Variants in OVOL2 observed in about 807,000 individuals in gnomAD.
OVOL2 encodes ovo like zinc finger 2, also known as transcription factor Ovo-like 2.
In OVOL2, 13 loss-of-function variants were observed where a neutral mutation model predicts 18.1. That is an observed-to-expected ratio of 0.72 (90% CI 0.47 to 1.14). The LOEUF (loss-of-function observed/expected upper bound fraction) is 1.14, where lower values mean the gene tolerates loss of function less well. OVOL2 is among the 50% of genes most tolerant of loss of function. The pLI is 0.00. For synonymous variants in OVOL2, 166 were observed against 162.7 expected (o/e 1.02, Z -0.16); for missense variants, 335 against 383.0 (o/e 0.87, Z 1.05).
At chr20:18,028,591 G>A (rs2036540496) in intron 3 of OVOL2, among the ~76,000 whole-genome samples, 3 of 151,364 alleles carry the variant, frequency 2.0e-5, no homozygotes, top group Admixed American at 6.6e-5. Context: ...TCGGGAGTTC[G>A]AGACCTGCCT....
chr20:18,053,223 T>G (rs904412412), intron 2 of OVOL2, among the ~76,000 whole-genome samples: 1 of 152,218 alleles, frequency 6.6e-6, no homozygotes, highest in Non-Finnish European at 1.5e-5. Flanking sequence ...ACTTGCTGTA[T>G]GTCACTGTCA....
intron 3 of OVOL2, among the ~76,000 whole-genome samples, chr20:18,028,471 C>T (rs2122688749): frequency 6.6e-6 from 1 of 152,060 alleles, no homozygotes; most frequent in East Asian, 1.9e-4. Context: ...ACCACCGTGC[C>T]TGGCCCTAAT....
chr20:18,039,607 C>CAAAAAAAAAAAAAAAAAAAA (rs111619803), intron 3 of OVOL2, among the ~76,000 whole-genome samples: 6 of 87,038 alleles, frequency 6.9e-5, no homozygotes, highest in African/African-American at 2.4e-4. Context: ...GACGCTGTCT[C>CAAAAAAAAAAAAAAAAAAAA]AAAAAAAAAA....
At chr20:18,038,254 C>A (rs766532279) in intron 3 of OVOL2, among the ~76,000 whole-genome samples, 8 of 152,188 alleles carry the variant, frequency 5.3e-5, no homozygotes, top group Admixed American at 1.3e-4. Context: ...GAAGCCTCTG[C>A]CAACTGTTGC....
intron 2 of OVOL2, among the ~76,000 whole-genome samples, chr20:18,044,362 G>T (rs371736302): frequency 6.6e-6 from 1 of 152,090 alleles, no homozygotes; most frequent in African/African-American, 2.4e-5. Flanking sequence ...GCAAGCATTC[G>T]GTCCCATTCC....
intron 3 of OVOL2, among the ~76,000 whole-genome samples, chr20:18,039,254 A>G (rs1418704356): frequency 6.6e-6 from 1 of 152,126 alleles, no homozygotes; most frequent in Non-Finnish European, 1.5e-5. Context: ...AACTTCCTAA[A>G]TTTGCTGAGG....
chr20:18,049,448 AC>A (rs772451023), intron 2 of OVOL2, among the ~76,000 whole-genome samples: 1 of 152,190 alleles, frequency 6.6e-6, no homozygotes, highest in Non-Finnish European at 1.5e-5. Context: ...GTCCAAGGCT[AC>A]CTTCTGGTGG....
At chr20:18,025,306 G>A (rs543526035) in intron 3 of OVOL2, among the ~76,000 whole-genome samples, 4 of 152,276 alleles carry the variant, frequency 2.6e-5, no homozygotes, top group South Asian at 2.1e-4. Context: ...AGTGGCTCAC[G>A]CCTGTAATCC....
At chr20:18,055,086 C>G (rs887426262) in intron 2 of OVOL2, among the ~76,000 whole-genome samples, 2 of 152,082 alleles carry the variant, frequency 1.3e-5, no homozygotes, top group African/African-American at 4.8e-5. Context: ...CTGTGCCTCC[C>G]GCCCCCCTTC....
chr20:18,055,016 A>G (rs1280589672), intron 2 of OVOL2, among the ~76,000 whole-genome samples: 1 of 152,106 alleles, frequency 6.6e-6, no homozygotes, highest in Non-Finnish European at 1.5e-5. Context: ...AAACATCCCC[A>G]GTAAATAAAA....
At position 18,024,577 on chromosome 20, in the gene OVOL2, C is replaced by T; in HGVS notation, c.*59G>A. ...CCAGTGGGGTGGGGGAAGCTGAAAA[C>T]CAAAAATCCACGTAGACATACGTGG... On this transcript the variant is annotated 3_prime_UTR_variant, in exon 4 of 4. Coordinates refer to ENST00000278780, the MANE Select transcript of OVOL2 (RefSeq NM_021220.4). The T allele has an allele frequency of 1.3e-6, 2 of 1,484,194 alleles. No homozygotes were observed. The highest frequency in any genetic ancestry group is 9.0e-7 in the Non-Finnish European group (1 of 1,113,290). The allele number at this position is 1,484,194 out of a possible 1,614,324, so 91.9% of individuals were successfully genotyped here.
Position 18,034,651 on chromosome 20 carries a change from T to TCTCTCA in OVOL2, c.511+6882_511+6883insTGAGAG, listed in dbSNP as rs773350112. Among the ~76,000 whole-genome samples the TCTCTCA allele has an allele frequency of 4.9e-3, 711 of 145,672 alleles. 9 individuals are homozygous for TCTCTCA. The highest frequency in any genetic ancestry group is 0.017 in the African/African-American group (653 of 38,322). On this transcript the variant is annotated intron_variant, in intron 3 of 3. Transcript: ENST00000278780. ...TTCTCTCTCTCTCTCTCTCTCTCTCTCACACACACACACACACACACCCCT... is the reference window on the plus strand; with the variant it reads ...TTCTCTCTCTCTCTCTCTCTCTCTCTCTCTCACACACACACACACACACACACCCCT...
At chr20:18,036,518 A>G (rs1392977285) in intron 3 of OVOL2, among the ~76,000 whole-genome samples, 1 of 152,132 alleles carries the variant, frequency 6.6e-6, no homozygotes, top group Non-Finnish European at 1.5e-5. Flanking sequence ...CCCTAAGGTG[A>G]TAACTGCGAA....
intron 3 of OVOL2, among the ~76,000 whole-genome samples, chr20:18,037,577 C>T (rs780221156): frequency 1.3e-5 from 2 of 152,180 alleles, no homozygotes; most frequent in African/African-American, 4.8e-5. Flanking sequence ...CTTAGCAGAT[C>T]GCCAGGCATC....
intron 3 of OVOL2, among the ~76,000 whole-genome samples, chr20:18,026,336 TCTC>T (rs2036515139): frequency 6.6e-6 from 1 of 151,860 alleles, no homozygotes. Context: ...TTAACTCACT[TCTC>T]CTAAGACCAA....
intron 2 of OVOL2, among the ~76,000 whole-genome samples, chr20:18,047,017 C>T (rs1028783633): frequency 2.6e-4 from 39 of 151,660 alleles, no homozygotes; most frequent in Non-Finnish European, 4.3e-4. Flanking sequence ...GTCACAATTT[C>T]CCCACATGTA....
At chr20:18,058,137 T>C (rs1177060299), upstream of OVOL2, among the ~76,000 whole-genome samples, 2 of 151,502 alleles carry the variant, frequency 1.3e-5, no homozygotes, top group Non-Finnish European at 2.9e-5. Context: ...CGAGGCGAGC[T>C]CTTCGAGGTA....
intron 2 of OVOL2, among the ~76,000 whole-genome samples, chr20:18,047,874 A>AAAAG (rs1568638385): frequency 3.7e-4 from 55 of 150,666 alleles, no homozygotes; most frequent in Non-Finnish European, 4.4e-4. Context: ...AAAAAAAAAA[A>AAAAG]AAAGAAAGAA....
chr20:18,030,061 G>A (rs1332486268), intron 3 of OVOL2, among the ~76,000 whole-genome samples: 2 of 152,166 alleles, frequency 1.3e-5, no homozygotes, highest in East Asian at 1.9e-4. Flanking sequence ...TCAAAATATC[G>A]AATGAATGGA....
Sources: allele counts gnomAD v4.1 joint callset (sites outside exome capture counted in the v4.1 genomes callset), GRCh38; gene constraint gnomAD v4.1.1; transcripts MANE v1.5; gene names NCBI Gene and HGNC (gene_info 2026-07-23, HGNC 2026-07-21).